The following KDM2B variants were observed in gnomAD, a reference collection of about 807,000 sequenced individuals.
KDM2B encodes the protein lysine demethylase 2B.
In KDM2B, 26 loss-of-function variants were observed where a neutral mutation model predicts 150.0. The observed-to-expected ratio is 0.17, with a 90% confidence interval of 0.13 to 0.24. The LOEUF is 0.24. KDM2B is among the 10% of genes least tolerant of loss of function. KDM2B has a pLI of 1.00. For synonymous variants in KDM2B, 734 were observed against 729.5 expected (o/e 1.01, Z -0.10); for missense variants, 1,265 against 1,816.9 (o/e 0.70, Z 5.52).
At chr12:121,433,240 T>G (rs1873366161) in intron 22 of KDM2B, 1 of 456,188 alleles carries the variant, frequency 2.2e-6, no homozygotes. Flanking sequence ...GGTCCCTCTG[T>G]GCGTTAGAGT....
chr12:121,466,676 G>A (rs1445298829), intron 12 of KDM2B, among the ~76,000 whole-genome samples: 4 of 150,784 alleles, frequency 2.7e-5, no homozygotes, highest in African/African-American at 9.7e-5. Flanking sequence ...GGCCCCGGGA[G>A]CGCTCCAGCC....
Position 121,521,214 on chromosome 12 carries a change from G to C in KDM2B, c.932-114C>G. On this transcript the variant is annotated intron_variant, in intron 8 of 22. Coordinates refer to ENST00000377071, the MANE Select transcript of KDM2B (RefSeq NM_032590.5). The surrounding 1 kb of genome is among the most constrained non-coding windows in gnomAD (Gnocchi z 4.9). ...GCAGGAGGGTGCAGGGAGTGGAGAA[G>C]AGCAGCCAGGGCCTGGGGCAGCGGC... 8.6e-6 allele frequency: 6 copies of C among 699,428 alleles called. No individual in the cohort carries two copies. Among genetic ancestry groups the C allele is most frequent in the Non-Finnish European group, 1.5e-5 (6 of 398,698 alleles). The allele number at this position is 699,428 out of a possible 1,614,324, so 43.3% of individuals were successfully genotyped here. A position where few individuals can be genotyped will look rare whatever the true frequency, so the allele number is the denominator to read the frequency against.
At chr12:121,428,339 T>G (rs1232059685), downstream of KDM2B, among the ~76,000 whole-genome samples, 1 of 152,110 alleles carries the variant, frequency 6.6e-6, no homozygotes, top group Admixed American at 6.5e-5. Flanking sequence ...ACTACAGGCA[T>G]GCACCACCAC....
the KDM2B span, among the ~76,000 whole-genome samples, chr12:121,410,126 C>T: frequency 6.6e-6 from 1 of 151,536 alleles, no homozygotes; most frequent in Non-Finnish European, 1.5e-5. Flanking sequence ...CGCACTCCAA[C>T]CTGGGCAACA....
Position 121,442,255 on chromosome 12 carries a change from G to A in KDM2B, c.3186C>T (p.Ala1062=). The A allele has an allele frequency of 6.2e-7, 1 of 1,613,172 alleles. No individual in the cohort carries two copies. Among genetic ancestry groups the A allele is most frequent in the Non-Finnish European group, 8.5e-7 (1 of 1,179,778 alleles). ...PDSLPLDDGA[A]HVMHREVWMA... ...TCCACACCTCCCTGTGCATGACGTGGGCTGCCCCATCGTCCAGGGGTAGCG... is the reference window on the plus strand; with the variant it reads ...TCCACACCTCCCTGTGCATGACGTGAGCTGCCCCATCGTCCAGGGGTAGCG... The change falls in exon 19 of 23, where the codon GCC becomes GCT. Residue 1062 remains alanine (A), a synonymous_variant. Transcript: ENST00000377071. The surrounding 1 kb of genome is among the most constrained non-coding windows in gnomAD (Gnocchi z 7.7).
intron 17 of KDM2B, 98 bp downstream of exon 17, chr12:121,443,582 A>G (rs1161289159): frequency 3.9e-6 from 3 of 763,232 alleles, no homozygotes; most frequent in African/African-American, 1.7e-5. Flanking sequence ...GCCTCAGGAG[A>G]GGCAGCAGTG....
intron 1 of KDM2B, among the ~76,000 whole-genome samples, chr12:121,579,835 G>A (rs531139510): frequency 6.6e-6 from 1 of 151,442 alleles, no homozygotes; most frequent in East Asian, 1.9e-4. Flanking sequence ...CCTCACAAGG[G>A]GCTGGAGGAG....
intron 1 of KDM2B, among the ~76,000 whole-genome samples, chr12:121,579,327 G>A (rs1463434483): frequency 1.3e-5 from 2 of 152,242 alleles, no homozygotes; most frequent in African/African-American, 2.4e-5. Flanking sequence ...TAGGCCCCAG[G>A]AGGAGCCGCT....
rs1207998399 is a variant in KDM2B, at chr12:121,429,509, C to A, written c.*779G>T. On this transcript the variant is annotated 3_prime_UTR_variant, in exon 23 of 23. Transcript: ENST00000377071. ...TTTTAAAATTTGAGAAAAGTGAATT[C>A]TCTACAGAGGAAACTTGGCAGAGTA... is the stretch of plus-strand genomic sequence containing the variant. 1 of 156,050 alleles carries A rather than the reference C, an allele frequency of 6.4e-6. No individual in the cohort carries two copies. The highest frequency in any genetic ancestry group is 1.4e-5 in the Non-Finnish European group (1 of 70,298). 9.7% of individuals were successfully genotyped at this position (156,050 alleles called of 1,614,324 possible).
At chr12:121,455,234 C>A (rs182957824) in intron 12 of KDM2B, among the ~76,000 whole-genome samples, 2 of 152,146 alleles carry the variant, frequency 1.3e-5, no homozygotes, top group Non-Finnish European at 2.9e-5. Context: ...AGGTGCTCCC[C>A]GGCTCTACCA....
At chr12:121,449,075 G>A (rs979740759) in intron 13 of KDM2B, among the ~76,000 whole-genome samples, 3 of 152,090 alleles carry the variant, frequency 2.0e-5, no homozygotes, top group Non-Finnish European at 2.9e-5. Flanking sequence ...CGGCCCACAC[G>A]GCAAGAAGAG....
chr12:121,416,071 T>A, the KDM2B span: 1 of 1,062,220 alleles, frequency 9.4e-7, no homozygotes, highest in Non-Finnish European at 1.4e-6. Flanking sequence ...GAGGGCAAAC[T>A]TACCTCTCCA....
At chr12:121,449,090 T>C (rs1282882204) in intron 13 of KDM2B, among the ~76,000 whole-genome samples, 2 of 149,542 alleles carry the variant, frequency 1.3e-5, no homozygotes, top group Non-Finnish European at 3.0e-5. Context: ...GAAGAGGGTC[T>C]GTGGTGGGGT....
chr12:121,515,663 CAAAGTGCCCGTCTGG>C (rs1886109940), intron 9 of KDM2B, among the ~76,000 whole-genome samples: 2 of 151,686 alleles, frequency 1.3e-5, no homozygotes, highest in Admixed American at 6.6e-5. Context: ...CTGCATTTCT[CAAAGTGCCCGTCTGG>C]AAAAGGCCCA....
At chr12:121,418,926 C>G in the KDM2B span, among the ~76,000 whole-genome samples, 1 of 152,140 alleles carries the variant, frequency 6.6e-6, no homozygotes. Flanking sequence ...AGGCTGGTCT[C>G]GAATACCTGA....
downstream of KDM2B, among the ~76,000 whole-genome samples, chr12:121,426,275 T>C (rs1555284223): frequency 6.6e-6 from 1 of 152,216 alleles, no homozygotes; most frequent in Non-Finnish European, 1.5e-5. Context: ...GTGGATTTTT[T>C]AGATAGTAGT....
chr12:121,504,077 A>G (rs782464396), intron 11 of KDM2B, among the ~76,000 whole-genome samples: 8 of 152,164 alleles, frequency 5.3e-5, no homozygotes, highest in Non-Finnish European at 8.8e-5. Context: ...GTAAGTGTCT[A>G]TATTTATCAT....
At position 121,442,068 on chromosome 12, in the gene KDM2B, A is replaced by G; in HGVS notation, c.3284+89T>C. The G allele has an allele frequency of 9.1e-7, 1 of 1,102,582 alleles. No individual in the cohort carries two copies. Among genetic ancestry groups the G allele is most frequent in the Admixed American group, 2.0e-5 (1 of 51,022 alleles). 68.3% of individuals were successfully genotyped at this position (1,102,582 alleles called of 1,614,324 possible). ...GAAGCCATACTGGGGTTTGGAAGGA[A>G]AGAGCATCGCCAGCGACTCCACACA... is the stretch of plus-strand genomic sequence containing the variant. On this transcript the variant is annotated intron_variant, in intron 19 of 22. Transcript: ENST00000377071. This position sits in a 1 kb window ranked among gnomAD's most constrained non-coding sequence, Gnocchi z 7.7.
rs1555311283 is a variant in KDM2B, at chr12:121,548,974, C to T, written c.586G>A (p.Val196Met). Residue 196 changes from valine (V) to methionine (M), a missense_variant, in exon 6 of 23, where the codon GTG (valine) becomes ATG (methionine). Around this residue, in one of 11 missense-constraint regions of KDM2B, gnomAD observed 214 missense variants for 447.4 expected, o/e 0.48. Coordinates refer to ENST00000377071, the MANE Select transcript of KDM2B (RefSeq NM_032590.5). ...GGCCACATGTTGTCCACCCAGTCCA[C>T]CAGGTCTACCTGAAAGCCAGACCAG... ...LVKRPTVVDL[V>M]DWVDNMWPQH... The T allele has an allele frequency of 6.2e-7, 1 of 1,613,900 alleles. No individual in the cohort carries two copies. The highest frequency in any genetic ancestry group is 1.1e-5 in the South Asian group (1 of 91,074).
Sources: allele counts gnomAD v4.1 joint callset (sites outside exome capture counted in the v4.1 genomes callset), GRCh38; gene constraint gnomAD v4.1.1; regional missense constraint gnomAD v4.1.1; non-coding constraint Gnocchi (gnomAD v3.1); transcripts MANE v1.5; gene names NCBI Gene and HGNC (gene_info 2026-07-23, HGNC 2026-07-21).